The following ZNF831 variants were observed in gnomAD, a reference collection of about 807,000 sequenced individuals.
ZNF831 encodes the protein zinc finger protein 831, also known as chromosome 20 open reading frame 174.
ZNF831 carries 59 observed loss-of-function variants against 95.8 expected under a neutral mutation model. The observed-to-expected ratio is 0.62, with a 90% CI of 0.50 to 0.77. The LOEUF is 0.77. Ranked by LOEUF, ZNF831 falls within the 30% of genes least tolerant of loss-of-function variation. The pLI is 0.00. For missense variants in ZNF831, 2,205 were observed against 2,164.0 expected (o/e 1.02, Z -0.38); for synonymous variants, 961 against 925.5 (o/e 1.04, Z -0.70).
intron 1 of ZNF831, among the ~76,000 whole-genome samples, chr20:59,130,896 C>T (rs974828157): frequency 1.3e-5 from 2 of 152,098 alleles, no homozygotes; most frequent in Admixed American, 1.3e-4. Flanking sequence ...TTGACAATGG[C>T]TGAGCTCTGT....
Position 59,195,876 on chromosome 20 carries a change from A to C in ZNF831, c.3746A>C (p.Tyr1249Ser). ...CATGCTTGGTGTTTTCAGTTCTCCTACCCAACAGTCCCAGGGGTGATGCCC... is the reference window on the plus strand; with the variant it reads ...CATGCTTGGTGTTTTCAGTTCTCCTCCCCAACAGTCCCAGGGGTGATGCCC... ...GGPAQMSKFS[Y>S]PTVPGVMPQH... is the part of the protein sequence containing the mutation. Residue 1249 changes from tyrosine to serine, a missense_variant, in exon 3 of 6, where the codon TAC becomes TCC. Tyr to Ser is a moderately radical substitution (Grantham distance 144). Transcript: ENST00000371030. The C allele has an allele frequency of 6.2e-7, 1 of 1,612,906 alleles. No individual in the cohort carries two copies. Among genetic ancestry groups the C allele is most frequent in the East Asian group, 2.2e-5 (1 of 44,852 alleles).
chr20:59,253,860 C>CCA, intron 5 of ZNF831, 38 bp from the exon 6 acceptor site: 1 of 904,360 alleles, frequency 1.1e-6, no homozygotes, highest in Non-Finnish European at 1.4e-6. Context: ...CAATTAACCT[C>CCA]CCCCCCCACT....
At chr20:59,246,501 A>G (rs259965) in intron 4 of ZNF831, among the ~76,000 whole-genome samples, 73,963 of 151,998 alleles carry the variant, frequency 0.49, 19,052 homozygotes, top group East Asian at 0.88. Flanking sequence ...TTGGCTTTCA[A>G]TCTTTCAAAT....
intron 4 of ZNF831, among the ~76,000 whole-genome samples, chr20:59,225,522 A>G (rs1986369948): frequency 6.6e-6 from 1 of 152,362 alleles, no homozygotes; most frequent in African/African-American, 2.4e-5. Context: ...AGATTAATCA[A>G]CGTCTGTTGG....
At chr20:59,132,382 T>A (rs768036235) in intron 1 of ZNF831, among the ~76,000 whole-genome samples, 2 of 151,544 alleles carry the variant, frequency 1.3e-5, no homozygotes, top group Non-Finnish European at 2.9e-5. Context: ...TCAGGAAAAA[T>A]TTTCTAGACG....
chr20:59,125,702 C>G (rs1290232533), intron 1 of ZNF831, among the ~76,000 whole-genome samples: 1 of 152,150 alleles, frequency 6.6e-6, no homozygotes, highest in Non-Finnish European at 1.5e-5. Context: ...GAGGGCCTAG[C>G]TGGTCTCTAA....
chr20:59,188,767 C>T (rs1368973889), intron 1 of ZNF831, among the ~76,000 whole-genome samples: 1 of 152,186 alleles, frequency 6.6e-6, no homozygotes, highest in Non-Finnish European at 1.5e-5. Flanking sequence ...CAAATATTTT[C>T]TCCCATTCCG....
chr20:59,136,760 C>T (rs1036514641), intron 1 of ZNF831, among the ~76,000 whole-genome samples: 5 of 152,172 alleles, frequency 3.3e-5, no homozygotes, highest in African/African-American at 1.2e-4. Flanking sequence ...CAAGTTGTCC[C>T]CCAAAATCTT....
At chr20:59,238,580 GCTTT>G (rs1398088678) in intron 4 of ZNF831, among the ~76,000 whole-genome samples, 1 of 152,102 alleles carries the variant, frequency 6.6e-6, no homozygotes, top group African/African-American at 2.4e-5. Context: ...GGCCACATTT[GCTTT>G]CTTTGTTTTC....
chr20:59,192,842 G>GC lies in ZNF831; in HGVS notation c.1825dup (p.Gln609ProfsTer18). 1 of 1,605,500 alleles carries GC rather than the reference G, an allele frequency of 6.2e-7. No homozygotes were observed. The highest frequency in any genetic ancestry group is 1.3e-5 in the African/African-American group (1 of 74,894). ...GGCAGAGCGGGCGGCAGGAAGTGCG[G>GC]CCAGAGAAGGCTGAAGATGTTCTCC... is the stretch of plus-strand genomic sequence containing the variant. On this transcript the variant is annotated frameshift_variant, in exon 2 of 6. Transcript: ENST00000371030. LOFTEE classifies it high-confidence loss of function. This position sits in a 1 kb window ranked among gnomAD's most constrained non-coding sequence, Gnocchi z 5.2.
rs542871152 is a variant in ZNF831, at chr20:59,150,630, C to A, written c.-1281+4256C>A. On this transcript the variant is annotated intron_variant, in intron 2 of 7. Coordinates refer to the ZNF831 transcript ENST00000637017. Reference sequence around the variant, plus strand: ...GGAGGAACGTTGAGGCAAACTTCTCCATCCAGATTAATTCCTGACCTTCTG... The same window carrying A: ...GGAGGAACGTTGAGGCAAACTTCTCAATCCAGATTAATTCCTGACCTTCTG... Among the ~76,000 whole-genome samples the A allele has an allele frequency of 6.1e-4, 93 of 152,334 alleles. No homozygotes were observed. The South Asian group carries it at 0.017, about 27-fold the overall frequency.
chr20:59,220,665 G>C (rs75641561), intron 4 of ZNF831, among the ~76,000 whole-genome samples: 4 of 152,092 alleles, frequency 2.6e-5, no homozygotes, highest in Non-Finnish European at 5.9e-5. Flanking sequence ...TCAACATCTA[G>C]CTAGAATTTG....
intron 1 of ZNF831, among the ~76,000 whole-genome samples, chr20:59,145,850 G>T (rs1371407139): frequency 1.3e-5 from 2 of 152,166 alleles, no homozygotes; most frequent in African/African-American, 4.8e-5. Context: ...GACCAAGGGA[G>T]CCCAGACAGA....
upstream of ZNF831, among the ~76,000 whole-genome samples, chr20:59,161,062 G>A (rs924682700): frequency 6.6e-6 from 1 of 152,084 alleles, no homozygotes; most frequent in African/African-American, 2.4e-5. Context: ...TCTGTACCAT[G>A]GTGCTTAGAA....
At position 59,254,922 on chromosome 20, in the gene ZNF831, G is replaced by A. The variant is rs576614885; in HGVS notation, c.*179G>A. The A allele has an allele frequency of 2.8e-4, 217 of 773,692 alleles. 1 individual carries two copies. The highest frequency in any genetic ancestry group is 3.5e-4 in the Non-Finnish European group (176 of 497,522). 47.9% of individuals were successfully genotyped at this position (773,692 alleles called of 1,614,324 possible). On this transcript the variant is annotated 3_prime_UTR_variant, in exon 6 of 6. Transcript: ENST00000371030. The surrounding 1 kb of genome is among the most constrained non-coding windows in gnomAD (Gnocchi z 4.5). ...TTCTGACCCCCAACTCAGCCGCAGC[G>A]TTCCCCAGCTCCCCTTGGGAGTGCT...
intron 4 of ZNF831, among the ~76,000 whole-genome samples, chr20:59,241,912 G>A (rs1420334104): frequency 6.6e-6 from 1 of 152,208 alleles, no homozygotes; most frequent in Non-Finnish European, 1.5e-5. Flanking sequence ...TACTCCACGA[G>A]ATGGAATATC....
Position 59,217,586 on chromosome 20 carries a change from C to T in ZNF831, c.4027+10530C>T, listed in dbSNP as rs1287848155. Among the ~76,000 whole-genome samples, 1 of 152,182 alleles carries T rather than the reference C, an allele frequency of 6.6e-6. No individual in the cohort carries two copies. The highest frequency in any genetic ancestry group is 6.5e-5 in the Admixed American group (1 of 15,288). On this transcript the variant is annotated intron_variant, in intron 4 of 5. Transcript: ENST00000371030. This position sits in a 1 kb window ranked among gnomAD's most constrained non-coding sequence, Gnocchi z 4.4. The stretch of plus-strand genomic sequence containing the variant: ...CATATTAAATACCTCTCTTTTCCTC[C>T]AGTTTATAAAACTTTTTCTTCTTTT...
intron 4 of ZNF831, among the ~76,000 whole-genome samples, chr20:59,209,107 C>T (rs144221684): frequency 1.8e-4 from 27 of 152,318 alleles, no homozygotes; most frequent in African/African-American, 4.1e-4. Flanking sequence ...CCACCGGGAA[C>T]GACATTGGCA....
Position 59,194,530 on chromosome 20 carries a change from CA to C in ZNF831, c.3515del (p.Asn1172ThrfsTer6). On this transcript the variant is annotated frameshift_variant, in exon 2 of 6. Transcript: ENST00000371030. LOFTEE classifies it high-confidence loss of function. Reference protein sequence around the residue: ...SHSTRSPHSTQNPFPSLKAEP... With the variant: ...SHSTRSPHSTXNPFPSLKAEP... ...CAGCACCCGCAGTCCCCACAGCACC[CA>C]AAACCCCTTTCCCTCACTGAAGGCT... 6.2e-7 allele frequency: 1 copy of C among 1,607,070 alleles called. No homozygotes were observed. Among genetic ancestry groups the C allele is most frequent in the Non-Finnish European group, 8.5e-7 (1 of 1,176,574 alleles).
Sources: allele counts gnomAD v4.1 joint callset (sites outside exome capture counted in the v4.1 genomes callset), GRCh38; gene constraint gnomAD v4.1.1; non-coding constraint Gnocchi (gnomAD v3.1); transcripts MANE v1.5; gene names NCBI Gene and HGNC (gene_info 2026-07-23, HGNC 2026-07-21).